The following MACROD2 variants were observed in gnomAD, a reference collection of about 807,000 sequenced individuals.
MACROD2 encodes mono-ADP ribosylhydrolase 2.
MACROD2 carries 36 observed loss-of-function variants against 70.4 expected under a neutral mutation model. That is an observed-to-expected ratio of 0.51 (90% CI 0.39 to 0.68). MACROD2 has a LOEUF of 0.68. Ranked by LOEUF, MACROD2 falls within the 30% of genes least tolerant of loss-of-function variation. The pLI, the probability that MACROD2 is intolerant of heterozygous loss-of-function variation, is 0.00. For synonymous variants in MACROD2, 172 were observed against 178.8 expected (o/e 0.96, Z 0.30); for missense variants, 496 against 538.4 (o/e 0.92, Z 0.78).
intron 8 of MACROD2, among the ~76,000 whole-genome samples, chr20:15,562,089 A>G (rs1049453300): frequency 2.0e-5 from 3 of 152,162 alleles, no homozygotes; most frequent in Non-Finnish European, 4.4e-5. Context: ...TTGAGTGTAG[A>G]CAACAACTTA....
chr20:14,371,710 C>T (rs936253359), intron 3 of MACROD2, among the ~76,000 whole-genome samples: 2 of 152,024 alleles, frequency 1.3e-5, no homozygotes, highest in Non-Finnish European at 2.9e-5. Context: ...CTTTTAAAAT[C>T]TACCTGATAT....
intron 3 of MACROD2, among the ~76,000 whole-genome samples, chr20:14,147,712 T>G (rs2054959855): frequency 6.6e-6 from 1 of 152,190 alleles, no homozygotes. Context: ...GTGGCGTGCA[T>G]GGACAGACTT....
chr20:14,515,711 T>G (rs1026559164), intron 4 of MACROD2, among the ~76,000 whole-genome samples: 3 of 151,970 alleles, frequency 2.0e-5, no homozygotes, highest in African/African-American at 7.2e-5. Context: ...GATGGGGATT[T>G]GGAGAGAAGA....
intron 5 of MACROD2, among the ~76,000 whole-genome samples, chr20:15,100,425 G>A (rs998950566): frequency 5.9e-5 from 9 of 152,124 alleles, no homozygotes; most frequent in Non-Finnish European, 1.2e-4. Flanking sequence ...TTCTTTTGTA[G>A]GGGGACCCAA....
intron 13 of MACROD2, among the ~76,000 whole-genome samples, chr20:15,984,235 G>C (rs2066444480): frequency 6.6e-6 from 1 of 151,898 alleles, no homozygotes. Context: ...TTTAACTTTA[G>C]CTAATATGTT....
chr20:14,782,181 C>T (rs1160877686), intron 5 of MACROD2, among the ~76,000 whole-genome samples: 1 of 151,982 alleles, frequency 6.6e-6, no homozygotes, highest in Non-Finnish European at 1.5e-5. Context: ...GATTTGGCCT[C>T]CCAAAGTGCT....
At chr20:14,265,768 G>T (rs6042630) in intron 3 of MACROD2, among the ~76,000 whole-genome samples, 5 of 146,438 alleles carry the variant, frequency 3.4e-5, no homozygotes, top group African/African-American at 1.0e-4. Context: ...CCTGTTCCCC[G>T]CCTTGTCCTT....
chr20:15,617,439 T>TA (rs1234791952), intron 8 of MACROD2, among the ~76,000 whole-genome samples: 1 of 152,202 alleles, frequency 6.6e-6, no homozygotes, highest in Non-Finnish European at 1.5e-5. Flanking sequence ...TCACAAAACT[T>TA]AGATTGAAAA....
At chr20:14,256,278 A>G (rs2082055828) in intron 3 of MACROD2, among the ~76,000 whole-genome samples, 1 of 151,912 alleles carries the variant, frequency 6.6e-6, no homozygotes, top group African/African-American at 2.4e-5. Flanking sequence ...TTATCTTCTG[A>G]TATAACCAAC....
Position 15,142,056 on chromosome 20 carries a change from C to T in MACROD2, c.419-87884C>T, listed in dbSNP as rs1045567634. Reference sequence around the variant, plus strand: ...TTCTGTGAGCATAGTGGATTTTTATCATTTGAGCATAACCCTATCAATGTC... The same window carrying T: ...TTCTGTGAGCATAGTGGATTTTTATTATTTGAGCATAACCCTATCAATGTC... On this transcript the variant is annotated intron_variant, in intron 5 of 17. Coordinates refer to ENST00000684519, the MANE Select transcript of MACROD2 (RefSeq NM_001351661.2). 5.3e-5 allele frequency among the ~76,000 whole-genome samples: 8 copies of T among 152,162 alleles called. No homozygotes were observed. The East Asian group carries it at 1.5e-3, about 29-fold the overall frequency.
At chr20:15,610,780 G>A (rs967193109) in intron 8 of MACROD2, among the ~76,000 whole-genome samples, 1 of 151,998 alleles carries the variant, frequency 6.6e-6, no homozygotes, top group African/African-American at 2.4e-5. Flanking sequence ...CACCTCCACT[G>A]CAGCCTGTTC....
At chr20:15,124,830 G>T (rs2076055409) in intron 5 of MACROD2, among the ~76,000 whole-genome samples, 1 of 151,920 alleles carries the variant, frequency 6.6e-6, no homozygotes, top group Non-Finnish European at 1.5e-5. Context: ...GGAGAGAAGT[G>T]TCCTATGTAT....
intron 2 of MACROD2, among the ~76,000 whole-genome samples, chr20:14,084,827 A>G (rs2054056350): frequency 6.6e-6 from 1 of 151,796 alleles, no homozygotes; most frequent in African/African-American, 2.4e-5. Flanking sequence ...GTTACTTAGA[A>G]GTACCAAAGA....
At chr20:15,761,146 A>G (rs1453505692) in intron 8 of MACROD2, among the ~76,000 whole-genome samples, 3 of 152,174 alleles carry the variant, frequency 2.0e-5, no homozygotes, top group Non-Finnish European at 4.4e-5. Context: ...CCCTGGTTCA[A>G]GTGATGCTCC....
At chr20:15,147,603 A>G (rs2076239985) in intron 5 of MACROD2, among the ~76,000 whole-genome samples, 1 of 152,092 alleles carries the variant, frequency 6.6e-6, no homozygotes, top group Admixed American at 6.5e-5. Flanking sequence ...AATAGTAAAG[A>G]GGCTGAAACA....
intron 5 of MACROD2, among the ~76,000 whole-genome samples, chr20:15,112,718 G>T (rs370400451): frequency 3.9e-4 from 59 of 152,190 alleles, no homozygotes; most frequent in African/African-American, 1.1e-3. Context: ...ACGGTAGTGC[G>T]GCCACCACCA....
At chr20:14,182,517 C>G (rs879363108) in intron 3 of MACROD2, among the ~76,000 whole-genome samples, 1 of 151,972 alleles carries the variant, frequency 6.6e-6, no homozygotes, top group African/African-American at 2.4e-5. Flanking sequence ...GTGTGGTTGC[C>G]TGTACCTTTG....
chr20:15,944,986 A>C (rs2065801561), intron 12 of MACROD2, among the ~76,000 whole-genome samples: 1 of 152,120 alleles, frequency 6.6e-6, no homozygotes, highest in Non-Finnish European at 1.5e-5. Context: ...ATGGACTAAG[A>C]GTCTAATCTC....
chr20:15,276,209 G>A (rs2095272472), intron 6 of MACROD2, among the ~76,000 whole-genome samples: 2 of 152,012 alleles, frequency 1.3e-5, no homozygotes, highest in South Asian at 4.1e-4. Context: ...GACCATCCTG[G>A]CTAACACGGT....
Sources: allele counts gnomAD v4.1 joint callset (sites outside exome capture counted in the v4.1 genomes callset), GRCh38; gene constraint gnomAD v4.1.1; transcripts MANE v1.5; gene names NCBI Gene and HGNC (gene_info 2026-07-23, HGNC 2026-07-21).